ZNF273: variants seen among roughly 807,000 people sequenced by gnomAD.
ZNF273 encodes zinc finger protein 9.
Under a neutral mutation model 14.9 loss-of-function variants are expected in ZNF273, and 11 were observed. The ratio of observed to expected loss-of-function variants is 0.74; its 90% CI spans 0.46 to 1.22. The LOEUF is 1.22. Ranked by LOEUF, ZNF273 falls within the 50% of genes most tolerant of loss-of-function variation. The pLI is 0.00. For synonymous variants in ZNF273, 199 were observed against 223.9 expected (o/e 0.89, Z 0.99); for missense variants, 577 against 660.6 (o/e 0.87, Z 1.39).
intron 1 of ZNF273, among the ~76,000 whole-genome samples, chr7:64,914,695 G>A (rs989133536): frequency 6.6e-6 from 1 of 152,126 alleles, no homozygotes; most frequent in Non-Finnish European, 1.5e-5. Flanking sequence ...TTATCTCTGT[G>A]GAGTAGCTCA....
downstream of ZNF273, chr7:64,889,121 G>C (rs1181059010): frequency 1.0e-6 from 1 of 985,842 alleles, no homozygotes. The surrounding 1 kb of genome is among the most constrained non-coding windows in gnomAD (Gnocchi z 4.2). Context: ...GCCAAGCAGG[G>C]ATCCGGGCCT....
At chr7:64,882,489 A>G (rs1583949942), downstream of ZNF273, 1 of 152,250 alleles carries the variant, frequency 6.6e-6, no homozygotes, top group South Asian at 2.1e-4. Flanking sequence ...AGCCTCACGA[A>G]TGCGCATGTG....
upstream of ZNF273, among the ~76,000 whole-genome samples, chr7:64,901,057 CA>C (rs1272172997): frequency 2.0e-5 from 3 of 151,350 alleles, no homozygotes; most frequent in African/African-American, 7.3e-5. Context: ...GGCTGGAGTG[CA>C]GTGGCTCCAT....
chr7:64,931,756 G>T (rs1435770766), downstream of ZNF273, among the ~76,000 whole-genome samples: 2 of 152,116 alleles, frequency 1.3e-5, no homozygotes, highest in African/African-American at 2.4e-5. Context: ...ATCTATAACA[G>T]ATGCTCCATA....
upstream of ZNF273, chr7:64,903,259 T>C: frequency 7.1e-7 from 1 of 1,417,220 alleles, no homozygotes; most frequent in Middle Eastern, 1.8e-4. Flanking sequence ...CTTCCGGGAT[T>C]TGGCGGGGCC....
intron 1 of ZNF273, among the ~76,000 whole-genome samples, chr7:64,885,036 G>A (rs570355208): frequency 8.5e-5 from 13 of 152,226 alleles, no homozygotes; most frequent in African/African-American, 1.4e-4. Context: ...CACCTGTCGC[G>A]AGCGGTGAGC....
chr7:64,883,218 C>A (rs948322198), downstream of ZNF273, among the ~76,000 whole-genome samples: 1 of 130,180 alleles, frequency 7.7e-6, no homozygotes, highest in Non-Finnish European at 1.5e-5. Flanking sequence ...ATCACCACCC[C>A]CCCCTCACCA....
chr7:64,909,666 T>TG (rs533509311), intron 1 of ZNF273, among the ~76,000 whole-genome samples: 1 of 151,696 alleles, frequency 6.6e-6, no homozygotes, highest in South Asian at 2.1e-4. Flanking sequence ...ATTTATATTT[T>TG]GGGGGGTATA....
At chr7:64,888,278 G>T (rs556338705) in intron 1 of ZNF273, 17 of 984,908 alleles carry the variant, frequency 1.7e-5, no homozygotes, top group Non-Finnish European at 2.0e-5. Flanking sequence ...CTGTCTCTAT[G>T]GGGGTCCTTC....
chr7:64,888,648 C>T (rs1431210924), exon 2 of ZNF273: 24 of 985,780 alleles, frequency 2.4e-5, no homozygotes, highest in Non-Finnish European at 2.7e-5. Flanking sequence ...CTGTTTTCTG[C>T]CCCTGACCAG....
At chr7:64,884,392 G>A (rs1002697617), downstream of ZNF273, among the ~76,000 whole-genome samples, 5 of 152,068 alleles carry the variant, frequency 3.3e-5, no homozygotes, top group Non-Finnish European at 2.9e-5. Flanking sequence ...GATCCACAGT[G>A]CCCCTCAACA....
At chr7:64,899,383 A>G (rs1792546177), upstream of ZNF273, among the ~76,000 whole-genome samples, 1 of 152,228 alleles carries the variant, frequency 6.6e-6, no homozygotes, top group East Asian at 1.9e-4. Flanking sequence ...TGCCAGGCGC[A>G]GTGGCTCACG....
chr7:64,930,454 G>A lies in ZNF273; in HGVS notation c.*1416G>A, dbSNP rs748949742. ...TCAATTATATCATTTTATGAATTGTGCTTTTCATAATGCAGTACATTTCAA... is the reference window on the plus strand; with the variant it reads ...TCAATTATATCATTTTATGAATTGTACTTTTCATAATGCAGTACATTTCAA... On this transcript the variant is annotated 3_prime_UTR_variant, in exon 4 of 4. Transcript: ENST00000476120. 1 of 152,040 alleles carries A rather than the reference G, an allele frequency of 6.6e-6. No individual in the cohort carries two copies. The highest frequency in any genetic ancestry group is 2.4e-5 in the African/African-American group (1 of 41,408). The allele number at this position is 152,040 out of a possible 1,614,324, so 9.4% of individuals were successfully genotyped here. A position where few individuals can be genotyped will look rare whatever the true frequency, so the allele number is the denominator to read the frequency against.
intron 1 of ZNF273, among the ~76,000 whole-genome samples, chr7:64,885,231 C>T (rs1562947513): frequency 6.6e-6 from 1 of 152,246 alleles, no homozygotes; most frequent in Non-Finnish European, 1.5e-5. Context: ...GAATCGTCAA[C>T]AGTGCCCCAA....
intron 1 of ZNF273, among the ~76,000 whole-genome samples, chr7:64,885,794 G>A (rs552956211): frequency 1.3e-5 from 2 of 152,214 alleles, no homozygotes; most frequent in Admixed American, 6.5e-5. Flanking sequence ...AGTGCCATTG[G>A]CCAAGGCAGA....
At chr7:64,921,117 TGCAATG>T (rs1258754537) in intron 3 of ZNF273, among the ~76,000 whole-genome samples, 3 of 152,022 alleles carry the variant, frequency 2.0e-5, no homozygotes, top group Non-Finnish European at 4.4e-5. Context: ...CAGGCTGGAG[TGCAATG>T]GCATGATCTC....
rs751306062 is a variant in ZNF273 at position 64,928,228 on chromosome 7, T to G, written c.900T>G (p.Ser300Arg). Reference protein sequence around the residue: ...YKCEDCGKVFSVFSVLTKHKI... With the variant: ...YKCEDCGKVFRVFSVLTKHKI... ...GTGAAGATTGTGGCAAAGTCTTTAGTGTATTTTCAGTCCTTACTAAACATA... is the reference window on the plus strand; with the variant it reads ...GTGAAGATTGTGGCAAAGTCTTTAGGGTATTTTCAGTCCTTACTAAACATA... The change falls in exon 4 of 4, where the codon AGT becomes AGG. Residue 300 changes from serine (S) to arginine (R), a missense_variant. Transcript: ENST00000476120. 6.2e-7 allele frequency: 1 copy of G among 1,613,150 alleles called. No individual in the cohort carries two copies. Among genetic ancestry groups the G allele is most frequent in the Non-Finnish European group, 8.5e-7 (1 of 1,179,688 alleles).
chr7:64,928,855 T>G lies in ZNF273; in HGVS notation c.1527T>G (p.Thr509=). 4 of 1,613,954 alleles carry G rather than the reference T, an allele frequency of 2.5e-6. No individual in the cohort carries two copies. The highest frequency in any genetic ancestry group is 3.4e-6 in the Non-Finnish European group (4 of 1,179,940). ...TTACTAAACATAAGAGAATTCATAC[T>G]GGAGAGAAGCCCTACAAATGTGAAG... is the stretch of plus-strand genomic sequence containing the variant. ...STLTKHKRIH[T]GEKPYKCEEC... Residue 509 remains threonine, a synonymous_variant, in exon 4 of 4, where the codon ACT becomes ACG. Transcript: ENST00000476120.
chr7:64,881,796 C>G (rs73354390), downstream of ZNF273, among the ~76,000 whole-genome samples: 2,111 of 152,258 alleles, frequency 0.014, 51 homozygotes, highest in African/African-American at 0.048. Context: ...GGCAAGGATC[C>G]GTGAGCTTGA....
Sources: gnomAD v4.1 joint callset for allele counts (sites outside exome capture counted in the v4.1 genomes callset) on GRCh38, gnomAD v4.1.1 for gene constraint, Gnocchi (gnomAD v3.1) non-coding constraint, MANE v1.5 for transcripts, NCBI Gene and HGNC (gene_info 2026-07-23, HGNC 2026-07-21) for gene names.